The following KLHL13 variants were observed in gnomAD, a reference collection of about 807,000 sequenced individuals.
KLHL13 encodes kelch like family member 13.
KLHL13 carries 10 observed loss-of-function variants against 37.1 expected under a neutral mutation model. That is an observed-to-expected ratio of 0.27 (90% CI 0.17 to 0.46). The LOEUF (loss-of-function observed/expected upper bound fraction) is 0.46. Among genes scored for constraint, KLHL13 ranks in the 20% least tolerant of loss-of-function variants. KLHL13 has a pLI of 1.00. For synonymous variants in KLHL13, 163 were observed against 181.2 expected (o/e 0.90, Z 0.81); for missense variants, 360 against 509.3 (o/e 0.71, Z 2.82).
At chrX:117,974,013 AT>A (rs1479951272), upstream of KLHL13, among the ~76,000 whole-genome samples, 1 of 110,713 alleles carries the variant, frequency 9.0e-6, no homozygotes, top group Admixed American at 9.6e-5. Flanking sequence ...AGCTTGAGGT[AT>A]TTCATGAAAG....
At chrX:118,064,420 A>G (rs770607087) in intron 1 of KLHL13, among the ~76,000 whole-genome samples, 1 of 111,610 alleles carries the variant, frequency 9.0e-6, no homozygotes, top group Non-Finnish European at 1.9e-5. Flanking sequence ...AAGGTTTAGA[A>G]TATAAGGTTA....
intron 1 of KLHL13, among the ~76,000 whole-genome samples, chrX:118,105,421 T>G (rs1023336228): frequency 1.8e-5 from 2 of 112,652 alleles, no homozygotes; most frequent in Admixed American, 9.3e-5. Flanking sequence ...TTATCCAGCA[T>G]CTATATGCCT....
chrX:117,920,047 T>G (rs1040352224), intron 3 of KLHL13, among the ~76,000 whole-genome samples, 191 bp downstream of exon 4: 2 of 107,087 alleles, frequency 1.9e-5, no homozygotes, highest in African/African-American at 3.4e-5. Flanking sequence ...GAGATAAAGA[T>G]GGACAGTATG....
At chrX:118,051,549 T>G (rs1318442478) in intron 1 of KLHL13, among the ~76,000 whole-genome samples, 1 of 109,382 alleles carries the variant, frequency 9.1e-6, no homozygotes, top group African/African-American at 3.3e-5. Flanking sequence ...TCAAAAAAAG[T>G]AATAAATAAA....
chrX:117,964,912 T>C (rs2053389448), intron 1 of KLHL13, among the ~76,000 whole-genome samples: 2 of 111,722 alleles, frequency 1.8e-5, no homozygotes, highest in African/African-American at 6.5e-5. Flanking sequence ...ACAAAGGACA[T>C]GAACTCATCA....
chrX:118,094,957 C>A (rs1294771913), intron 1 of KLHL13, among the ~76,000 whole-genome samples: 1 of 111,626 alleles, frequency 9.0e-6, no homozygotes, highest in African/African-American at 3.3e-5. Context: ...TAAAGACCAT[C>A]AAGGCTAGGA....
chrX:118,063,413 T>C (rs912907121), intron 1 of KLHL13, among the ~76,000 whole-genome samples: 1 of 111,299 alleles, frequency 9.0e-6, no homozygotes, highest in African/African-American at 3.3e-5. Flanking sequence ...GGTACTGAAA[T>C]GAACTACAGA....
chrX:118,037,804 T>C (rs1046975958), intron 1 of KLHL13, among the ~76,000 whole-genome samples: 5 of 111,264 alleles, frequency 4.5e-5, no homozygotes, highest in South Asian at 3.8e-4. Flanking sequence ...GGAAGAGAGA[T>C]AGACTAGATA....
chrX:117,944,401 G>C (rs1214447408), intron 2 of KLHL13, among the ~76,000 whole-genome samples: 2 of 111,486 alleles, frequency 1.8e-5, no homozygotes, highest in Non-Finnish European at 3.8e-5. Flanking sequence ...TGAATTCAAA[G>C]ATTGAAACTA....
chrX:118,069,149 C>CACACACACA (rs1569308000), intron 1 of KLHL13, among the ~76,000 whole-genome samples: 4 of 80,885 alleles, frequency 4.9e-5, no homozygotes, highest in African/African-American at 3.0e-4. Flanking sequence ...ACACACACAC[C>CACACACACA]CTCACCTGAA....
chrX:117,902,078 G>A, intron 5 of KLHL13, 132 bp from the exon 7 acceptor site: 1 of 394,219 alleles, frequency 2.5e-6, no homozygotes, highest in Non-Finnish European at 4.5e-6. Flanking sequence ...ATAGATATGT[G>A]TAAGACTTTG....
chrX:117,991,662 C>T (rs1048627657), intron 1 of KLHL13, among the ~76,000 whole-genome samples: 2 of 110,648 alleles, frequency 1.8e-5, no homozygotes, highest in African/African-American at 6.6e-5. Context: ...ACCACCATAC[C>T]CAGAACTGCT....
At chrX:118,036,529 T>A (rs1306998265) in intron 1 of KLHL13, among the ~76,000 whole-genome samples, 1 of 111,903 alleles carries the variant, frequency 8.9e-6, no homozygotes, top group Non-Finnish European at 1.9e-5. Context: ...CTGGGAAAAC[T>A]GGCTAGCCAT....
At chrX:118,024,892 T>C (rs902726950) in intron 1 of KLHL13, among the ~76,000 whole-genome samples, 1 of 112,321 alleles carries the variant, frequency 8.9e-6, no homozygotes, top group Admixed American at 9.5e-5. Context: ...CCAAACAAAA[T>C]GAGTGCATGT....
chrX:118,113,567 T>G (rs990907052), intron 1 of KLHL13, among the ~76,000 whole-genome samples: 1 of 112,246 alleles, frequency 8.9e-6, no homozygotes, highest in Non-Finnish European at 1.9e-5. Flanking sequence ...CTCTTCTCTC[T>G]GCAAGAATGT....
chrX:118,061,914 T>C (rs1041479983), intron 1 of KLHL13, among the ~76,000 whole-genome samples: 7 of 111,875 alleles, frequency 6.3e-5, no homozygotes, highest in African/African-American at 2.3e-4. Flanking sequence ...AAGAAACATA[T>C]CCTGTAAAAA....
At chrX:118,071,287 A>G (rs190342882) in intron 1 of KLHL13, among the ~76,000 whole-genome samples, 2,087 of 111,172 alleles carry the variant, frequency 0.019, 57 homozygotes, top group African/African-American at 0.062. Flanking sequence ...TGGGATGGCT[A>G]GGTCAAATGG....
intron 2 of KLHL13, among the ~76,000 whole-genome samples, chrX:117,927,283 G>C (rs1932122054): frequency 9.0e-6 from 1 of 111,082 alleles, no homozygotes; most frequent in Non-Finnish European, 1.9e-5. Context: ...CGCCCCTCCC[G>C]GCCTGGCCTG....
chrX:118,078,760 C>T (rs1447631314), intron 1 of KLHL13, among the ~76,000 whole-genome samples: 2 of 111,529 alleles, frequency 1.8e-5, no homozygotes, highest in Non-Finnish European at 3.8e-5. Context: ...TAAGCTTTTA[C>T]TTGTCTATGG....
Sources: gnomAD v4.1 joint callset for allele counts (sites outside exome capture counted in the v4.1 genomes callset) on GRCh38, gnomAD v4.1.1 for gene constraint, MANE v1.5 for transcripts, NCBI Gene and HGNC (gene_info 2026-07-23, HGNC 2026-07-21) for gene names.